FAM81A: variants seen among roughly 807,000 people sequenced by gnomAD.
FAM81A encodes the protein family with sequence similarity 81 member A.
In FAM81A, 19 loss-of-function variants were observed where a neutral mutation model predicts 46.7. The ratio of observed to expected loss-of-function variants is 0.41; its 90% CI spans 0.28 to 0.60. The LOEUF is 0.60. Among genes scored for constraint, FAM81A ranks in the 20% least tolerant of loss-of-function variants. FAM81A has a pLI of 0.34. For synonymous variants in FAM81A, 183 were observed against 152.9 expected (o/e 1.20, Z -1.45); for missense variants, 377 against 453.5 (o/e 0.83, Z 1.53).
At chr15:59,403,196 G>T (rs1372195948) in intron 2 of FAM81A, among the ~76,000 whole-genome samples, 2 of 152,048 alleles carry the variant, frequency 1.3e-5, no homozygotes, top group African/African-American at 2.4e-5. Flanking sequence ...TGAGAACTTC[G>T]GTTATGAAGT....
At chr15:59,498,740 G>A (rs1396833611) in intron 4 of FAM81A, among the ~76,000 whole-genome samples, 1 of 152,006 alleles carries the variant, frequency 6.6e-6, no homozygotes, top group Non-Finnish European at 1.5e-5. Context: ...TGCCCCCTCC[G>A]CCCCTCCAGG....
intron 3 of FAM81A, among the ~76,000 whole-genome samples, chr15:59,491,733 T>C (rs2081983709): frequency 6.6e-6 from 1 of 152,156 alleles, no homozygotes; most frequent in Non-Finnish European, 1.5e-5. Flanking sequence ...TCACCTGATG[T>C]CAGGAATTCA....
chr15:59,432,752 A>T (rs1252517243), intron 2 of FAM81A, among the ~76,000 whole-genome samples: 4 of 152,334 alleles, frequency 2.6e-5, no homozygotes, highest in African/African-American at 9.6e-5. Context: ...CAACAGGGCC[A>T]GGGCTGAGGG....
chr15:59,412,555 A>T (rs1451761552), intron 2 of FAM81A, among the ~76,000 whole-genome samples: 1 of 151,934 alleles, frequency 6.6e-6, no homozygotes, highest in African/African-American at 2.4e-5. Flanking sequence ...GCGAAACCCT[A>T]TCTCTACAAA....
chr15:59,464,588 A>G (rs1381718828), intron 3 of FAM81A, among the ~76,000 whole-genome samples: 1 of 152,022 alleles, frequency 6.6e-6, no homozygotes, highest in Admixed American at 6.6e-5. Context: ...GCCTTTTTTC[A>G]TACATTTGTT....
intron 3 of FAM81A, among the ~76,000 whole-genome samples, chr15:59,488,698 C>G (rs1021121039): frequency 6.6e-6 from 1 of 152,132 alleles, no homozygotes; most frequent in Non-Finnish European, 1.5e-5. Context: ...AAATACTGGC[C>G]AGGTGCTGTG....
chr15:59,492,283 C>T lies in FAM81A; in HGVS notation c.307C>T (p.Gln103Ter). 6.2e-7 allele frequency: 1 copy of T among 1,612,476 alleles called. No homozygotes were observed. The highest frequency in any genetic ancestry group is 8.5e-7 in the Non-Finnish European group (1 of 1,179,072). ...LNRDIEVLQE[Q>*]IRARDNISYG... ...TTATGTTGCCCAGGTACTCCAGGAG[C>T]AGATTCGTGCCCGGGACAACATTAG... is the stretch of plus-strand genomic sequence containing the variant. Residue 103 changes from glutamine (Q) to a stop codon, truncating the protein, a stop_gained, in exon 4 of 9, where the codon CAG (glutamine) becomes TAG (stop). Transcript: ENST00000288228. LOFTEE classifies it high-confidence loss of function.
At chr15:59,443,009 C>T (rs1205377643) in intron 1 of FAM81A, among the ~76,000 whole-genome samples, 1 of 152,200 alleles carries the variant, frequency 6.6e-6, no homozygotes, top group East Asian at 1.9e-4. Flanking sequence ...ATCTAATCAA[C>T]AGGCCTTATT....
At chr15:59,519,201 T>G (rs976138337) in intron 8 of FAM81A, among the ~76,000 whole-genome samples, 1 of 152,058 alleles carries the variant, frequency 6.6e-6, no homozygotes, top group East Asian at 1.9e-4. Flanking sequence ...CTTTTCTTTT[T>G]TTTTTTAGAC....
chr15:59,467,055 C>T (rs1448257892), intron 3 of FAM81A, among the ~76,000 whole-genome samples: 1 of 152,096 alleles, frequency 6.6e-6, no homozygotes, highest in East Asian at 1.9e-4. Context: ...TGTTCTGTTC[C>T]ATTGGTCTAT....
intron 2 of FAM81A, among the ~76,000 whole-genome samples, chr15:59,431,580 G>T (rs1472597604): frequency 5.4e-5 from 8 of 149,164 alleles, no homozygotes; most frequent in African/African-American, 2.0e-4. Flanking sequence ...TGCCCAGGCT[G>T]GTCTCGAATT....
chr15:59,410,476 C>A (rs1372655569), intron 2 of FAM81A, among the ~76,000 whole-genome samples: 2 of 152,106 alleles, frequency 1.3e-5, no homozygotes, highest in African/African-American at 4.8e-5. Context: ...CTGTGCCTCC[C>A]ACACTCACCT....
At chr15:59,465,112 C>T (rs938604824) in intron 3 of FAM81A, among the ~76,000 whole-genome samples, 1 of 152,170 alleles carries the variant, frequency 6.6e-6, no homozygotes, top group Non-Finnish European at 1.5e-5. Context: ...TGTCCAAAAT[C>T]AGATGGCTGT....
At chr15:59,445,902 A>G (rs2081349481) in intron 1 of FAM81A, among the ~76,000 whole-genome samples, 1 of 152,192 alleles carries the variant, frequency 6.6e-6, no homozygotes, top group Non-Finnish European at 1.5e-5. Flanking sequence ...TCATAATAAA[A>G]CACCCTAAAA....
chr15:59,499,928 C>G (rs556060677), intron 4 of FAM81A, among the ~76,000 whole-genome samples: 12 of 151,534 alleles, frequency 7.9e-5, no homozygotes, highest in African/African-American at 2.4e-4. Flanking sequence ...TCTCAGCTCA[C>G]TGCAACCTCT....
chr15:59,516,125 G>GTTT (rs1254088918), intron 7 of FAM81A, among the ~76,000 whole-genome samples: 1 of 150,434 alleles, frequency 6.6e-6, no homozygotes, highest in African/African-American at 2.5e-5. Context: ...TGAATGTAGT[G>GTTT]GTTTTTTTTT....
At chr15:59,491,465 A>T (rs1383149025) in intron 3 of FAM81A, among the ~76,000 whole-genome samples, 1 of 152,222 alleles carries the variant, frequency 6.6e-6, no homozygotes, top group Non-Finnish European at 1.5e-5. Context: ...ATTAATGGGC[A>T]TTAAAAAATA....
intron 3 of FAM81A, among the ~76,000 whole-genome samples, chr15:59,491,067 T>G (rs1284211707): frequency 6.6e-6 from 1 of 152,138 alleles, no homozygotes; most frequent in Non-Finnish European, 1.5e-5. Flanking sequence ...GCTAGGTATA[T>G]ACCTACAAGA....
intron 3 of FAM81A, among the ~76,000 whole-genome samples, chr15:59,469,100 T>TA (rs2081652239): frequency 6.6e-6 from 1 of 152,238 alleles, no homozygotes. Context: ...TCTGTTCTTT[T>TA]ACATTTTCTG....
Sources: allele counts gnomAD v4.1 joint callset (sites outside exome capture counted in the v4.1 genomes callset), GRCh38; gene constraint gnomAD v4.1.1; transcripts MANE v1.5; gene names NCBI Gene and HGNC (gene_info 2026-07-23, HGNC 2026-07-21).